Variants in ZNF765 observed in about 807,000 individuals in gnomAD.
The protein encoded by ZNF765 is zinc finger protein 765.
Under a neutral mutation model 44.7 loss-of-function variants are expected in ZNF765, and 37 were observed. That is an observed-to-expected ratio of 0.83 (90% confidence interval 0.64 to 1.09). The LOEUF (loss-of-function observed/expected upper bound fraction) is 1.09. ZNF765 is among the 50% of genes least tolerant of loss of function. ZNF765 has a pLI of 0.00. For synonymous variants in ZNF765, 201 were observed against 213.7 expected, an observed-to-expected ratio of 0.94 and a Z score of 0.52; for missense variants, 594 against 626.1, an observed-to-expected ratio of 0.95 and a Z score of 0.55.
At position 53,408,132 on chromosome 19, in the gene ZNF765, G is replaced by A. The variant is rs755864430; in HGVS notation, c.577G>A (p.Gly193Arg). ...TGAAACCCATATTTCTAATGACTAT[G>A]GGAATAATTTCCTGAATTCTTCATT... ...RPETHISNDY[G>R]NNFLNSSLFT... Residue 193 changes from glycine (G) to arginine (R), a missense_variant, in exon 4 of 4, where the codon GGG becomes AGG. Gly to Arg is a moderately radical substitution (Grantham distance 125, BLOSUM62 -2). Around this residue, in one of 2 missense-constraint regions of ZNF765, gnomAD observed 567 missense variants for 572.6 expected, o/e 0.99. Coordinates refer to ENST00000396408, the MANE Select transcript of ZNF765 (RefSeq NM_001040185.3). 1 of 1,613,996 alleles carries A rather than the reference G, an allele frequency of 6.2e-7. No homozygotes were observed. The highest frequency in any genetic ancestry group is 8.5e-7 in the Non-Finnish European group (1 of 1,179,942).
chr19:53,418,094 A>T (rs2085885630), intron 3 of ZNF765, among the ~76,000 whole-genome samples: 2 of 152,352 alleles, frequency 1.3e-5, no homozygotes, highest in Non-Finnish European at 1.5e-5. Flanking sequence ...CAGGGAAATA[A>T]AAGTTTTAAA....
At position 53,408,181 on chromosome 19, in the gene ZNF765, A is replaced by G. The variant is rs956281345; in HGVS notation, c.626A>G (p.His209Arg). The G allele has an allele frequency of 2.5e-6, 4 of 1,614,226 alleles. No individual in the cohort carries two copies. The highest frequency in any genetic ancestry group is 2.5e-6 in the Non-Finnish European group (3 of 1,180,026). The change falls in exon 4 of 4, where the codon CAT becomes CGT. Residue 209 changes from histidine to arginine, a missense_variant. By Grantham distance (29) the His-to-Arg change is conservative. Transcript: ENST00000396408. ...SSLFTQKQEV[H>R]MREKSFQCND... ...TTATTCACACAAAAACAGGAAGTAC[A>G]TATGAGGGAAAAATCTTTCCAATGC...
chr19:53,413,930 C>CCA (rs1206293530), downstream of ZNF765, among the ~76,000 whole-genome samples: 1 of 79,790 alleles, frequency 1.3e-5, no homozygotes, highest in African/African-American at 4.9e-5. Context: ...GCTAGAAAGA[C>CCA]AAAAAAAAAA....
At chr19:53,414,680 T>C (rs62117295), downstream of ZNF765, among the ~76,000 whole-genome samples, 117,601 of 147,700 alleles carry the variant, frequency 0.8, 47,325 homozygotes, top group Non-Finnish European at 0.85. Context: ...GCGCATTTGT[T>C]GGGATGTGGC....
intron 2 of ZNF765, among the ~76,000 whole-genome samples, chr19:53,400,499 C>A (rs1259801619): frequency 1.3e-5 from 2 of 152,076 alleles, no homozygotes; most frequent in Non-Finnish European, 2.9e-5. Context: ...CTGTCCCCAA[C>A]TGCCAATGTA....
intron 3 of ZNF765, 94 bp downstream of exon 3, chr19:53,402,285 C>G: frequency 1.3e-6 from 2 of 1,496,958 alleles, no homozygotes; most frequent in Non-Finnish European, 1.8e-6. Context: ...GAGATGGAGT[C>G]TCGCTCTGTC....
intron 1 of ZNF765, among the ~76,000 whole-genome samples, chr19:53,396,583 A>C (rs1007766298): frequency 1.3e-5 from 2 of 150,910 alleles, no homozygotes; most frequent in African/African-American, 4.9e-5. Context: ...CTAAATACAG[A>C]CTTTTTTTTT....
At position 53,418,840 on chromosome 19, in the gene ZNF765, G is replaced by A. The variant is rs1406954722; in HGVS notation, c.143-4222G>A. 2.0e-5 allele frequency among the ~76,000 whole-genome samples: 3 copies of A among 149,402 alleles called. No individual in the cohort carries two copies. In the South Asian group the frequency reaches 6.5e-4, roughly 32 times the overall value. On this transcript the variant is annotated intron_variant, in intron 3 of 3. Transcript: ENST00000594030. ...GAATCGCTAGAACCTGGGGGGCGGA[G>A]GTTGCTGTGAGCCGAGATCACTCTA...
exon 4 of ZNF765, chr19:53,423,308 C>G (rs1040010046): frequency 9.3e-6 from 6 of 642,532 alleles, no homozygotes; most frequent in African/African-American, 1.8e-5. Context: ...CTGCTGATCA[C>G]GAGGGCACCA....
At position 53,409,151 on chromosome 19, in the gene ZNF765, A is replaced by G; in HGVS notation, c.*24A>G. On this transcript the variant is annotated 3_prime_UTR_variant, in exon 4 of 4. Coordinates refer to ENST00000396408, the MANE Select transcript of ZNF765 (RefSeq NM_001040185.3). ...AATGAGTGTGGTAAGACCTTCAATCAGGAGTTAACCCTTACATGCCATCGT... is the reference window on the plus strand; with the variant it reads ...AATGAGTGTGGTAAGACCTTCAATCGGGAGTTAACCCTTACATGCCATCGT... 3 of 1,585,412 alleles carry G rather than the reference A, an allele frequency of 1.9e-6. No homozygotes were observed.
chr19:53,417,156 G>T (rs1303912298), intron 3 of ZNF765, among the ~76,000 whole-genome samples: 3 of 152,068 alleles, frequency 2.0e-5, no homozygotes, highest in Non-Finnish European at 2.9e-5. Flanking sequence ...AAGTTCAGGG[G>T]TACATGTGCA....
At position 53,408,850 on chromosome 19, in the gene ZNF765, A is replaced by G; in HGVS notation, c.1295A>G (p.His432Arg). ...QQLTLNICRL[H>R]SGEKPYKCEE... ...TTAACCCTTAACATTTGTAGACTTC[A>G]TAGTGGAGAGAAACCTTACAAATGT... The change falls in exon 4 of 4, where the codon CAT becomes CGT. Residue 432 changes from histidine (H) to arginine (R), a missense_variant. Transcript: ENST00000396408. The G allele has an allele frequency of 1.2e-6, 2 of 1,613,972 alleles. No individual in the cohort carries two copies. Among genetic ancestry groups the G allele is most frequent in the Non-Finnish European group, 1.7e-6 (2 of 1,179,964 alleles).
chr19:53,412,597 A>G (rs923826224), downstream of ZNF765, among the ~76,000 whole-genome samples: 3 of 152,340 alleles, frequency 2.0e-5, no homozygotes, highest in East Asian at 5.8e-4. Context: ...AAGAGACTCT[A>G]TCAAAGTAAA....
chr19:53,414,919 C>G (rs1479633823), downstream of ZNF765, among the ~76,000 whole-genome samples: 1 of 152,030 alleles, frequency 6.6e-6, no homozygotes, highest in Non-Finnish European at 1.5e-5. Context: ...TTCACAGTCA[C>G]CATGGAATCT....
rs2085899550 is a variant in ZNF765 at position 53,420,278 on chromosome 19, G to C, written c.143-2784G>C. On this transcript the variant is annotated intron_variant, in intron 3 of 3. Coordinates refer to the ZNF765 transcript ENST00000594030. ...ACCAGGGAGTCAGAAGTTGCGGTGAGCCAAGATCGCACCACTGCACTCCAG... is the reference window on the plus strand; with the variant it reads ...ACCAGGGAGTCAGAAGTTGCGGTGACCCAAGATCGCACCACTGCACTCCAG... Among the ~76,000 whole-genome samples, 5 of 152,202 alleles carry C rather than the reference G, an allele frequency of 3.3e-5. No individual in the cohort carries two copies. The South Asian group carries it at 1.0e-3, about 32-fold the overall frequency.
At chr19:53,401,907 A>T (rs1339390951) in intron 2 of ZNF765, 158 bp from the exon 3 acceptor site, 2 of 1,573,074 alleles carry the variant, frequency 1.3e-6, no homozygotes, top group African/African-American at 2.7e-5. Context: ...TAGTAAACAC[A>T]ACTGGGAAGA....
intron 3 of ZNF765, 21 bp downstream of exon 3, chr19:53,402,212 G>A (rs1265839283): frequency 1.0e-5 from 16 of 1,607,736 alleles, no homozygotes; most frequent in Non-Finnish European, 1.4e-5. Flanking sequence ...CTTCCCTCCT[G>A]GGGATGTGCC....
chr19:53,409,832 C>A lies in ZNF765; in HGVS notation c.*705C>A. ...CTTTAGTCTGAAGTCATACCTTACG[C>A]ACCATCGTAGACTTCATACTGGAGA... is the stretch of plus-strand genomic sequence containing the variant. On this transcript the variant is annotated 3_prime_UTR_variant, in exon 4 of 4. Transcript: ENST00000396408. The A allele has an allele frequency of 1.4e-6, 1 of 691,830 alleles. No homozygotes were observed. The highest frequency in any genetic ancestry group is 2.7e-6 in the Non-Finnish European group (1 of 367,974). The allele number at this position is 691,830 out of a possible 1,614,324, so 42.9% of individuals were successfully genotyped here.
At chr19:53,403,486 C>T (rs750678909) in intron 3 of ZNF765, among the ~76,000 whole-genome samples, 29 of 152,224 alleles carry the variant, frequency 1.9e-4, no homozygotes, top group Non-Finnish European at 3.2e-4. Context: ...GAGTCTTACT[C>T]TGTCCCCAAG....
Sources: gnomAD v4.1 joint callset for allele counts (sites outside exome capture counted in the v4.1 genomes callset) on GRCh38, gnomAD v4.1.1 for gene constraint, gnomAD v4.1.1 regional missense constraint, MANE v1.5 for transcripts, NCBI Gene and HGNC (gene_info 2026-07-23, HGNC 2026-07-21) for gene names.